The following SGK1 variants were observed in gnomAD, a reference collection of about 807,000 sequenced individuals.
SGK1 encodes the protein serum/glucocorticoid regulated kinase 1, also known as serine/threonine-protein kinase Sgk1.
In SGK1, 26 loss-of-function variants were observed where a neutral mutation model predicts 64.2. That is an observed-to-expected ratio of 0.40 (90% CI 0.30 to 0.56). The LOEUF (loss-of-function observed/expected upper bound fraction) is 0.56, where lower values mean the gene tolerates loss of function less well. SGK1 is among the 20% of genes least tolerant of loss of function. The pLI, the probability that SGK1 is intolerant of heterozygous loss-of-function variation, is 0.38. For synonymous variants in SGK1, 265 were observed against 239.7 expected (o/e 1.11, Z -0.98); for missense variants, 519 against 645.6 (o/e 0.80, Z 2.12).
chr6:134,275,029 C>CAGGTTCA (rs1030035193), intron 1 of SGK1, among the ~76,000 whole-genome samples: 16 of 152,248 alleles, frequency 1.1e-4, no homozygotes, highest in African/African-American at 3.4e-4. Flanking sequence ...GTCTTGAACT[C>CAGGTTCA]AGGTTCAAGG....
At chr6:134,260,380 C>G (rs1162235442) in intron 2 of SGK1, 1 of 143,354 alleles carries the variant, frequency 7.0e-6, no homozygotes, top group Admixed American at 6.9e-5. Flanking sequence ...CCCCACCCCC[C>G]CCAAAAAAAG....
At chr6:134,200,229 T>C (rs1020476000) in intron 3 of SGK1, among the ~76,000 whole-genome samples, 8 of 152,206 alleles carry the variant, frequency 5.3e-5, no homozygotes, top group African/African-American at 1.9e-4. Flanking sequence ...GCATGAGAAA[T>C]TCTAAGCCCT....
chr6:134,295,686 G>A (rs1777337459), intron 1 of SGK1, among the ~76,000 whole-genome samples: 1 of 149,126 alleles, frequency 6.7e-6, no homozygotes, highest in African/African-American at 2.5e-5. Flanking sequence ...CTAGACAACA[G>A]AGTGAGACTC....
At chr6:134,172,798 T>C in intron 8 of SGK1, 24 bp from the exon 9 acceptor site, 1 of 1,535,704 alleles carries the variant, frequency 6.5e-7, no homozygotes, top group East Asian at 2.2e-5. Flanking sequence ...AACAAAGTCA[T>C]TCTGGGTTGC....
At chr6:134,246,170 T>TGGAGTTTCACC (rs1293351268) in intron 2 of SGK1, among the ~76,000 whole-genome samples, 2 of 151,902 alleles carry the variant, frequency 1.3e-5, no homozygotes, top group Admixed American at 1.3e-4. Flanking sequence ...TTTTTTGAGA[T>TGGAGTTTCACC]GGAGTTTCAC....
chr6:134,205,205 G>A lies in SGK1; in HGVS notation c.361+2151C>T, dbSNP rs969601807. ...CTTTGGTAATGTTTCATTCTACATT[G>A]CTTCTTCATAACACATGTGCTGTAG... is the stretch of plus-strand genomic sequence containing the variant. On this transcript the variant is annotated intron_variant, in intron 3 of 13. Transcript: ENST00000367858. Among the ~76,000 whole-genome samples the A allele has an allele frequency of 5.3e-5, 8 of 151,890 alleles. No homozygotes were observed. The East Asian group carries it at 1.5e-3, about 29-fold the overall frequency.
At chr6:134,228,145 G>T (rs1373505632) in intron 2 of SGK1, among the ~76,000 whole-genome samples, 2 of 151,596 alleles carry the variant, frequency 1.3e-5, no homozygotes, top group African/African-American at 2.4e-5. Context: ...TGTAGAGATG[G>T]GTTTTCACCA....
At position 134,287,350 on chromosome 6, in the gene SGK1, T is replaced by C. The variant is rs181261966; in HGVS notation, c.70-25202A>G. ...TAGAAATGAATAAATATAATTTTTTTATGTTTGTTATTTTGTCCTATAAAT... is the reference window on the plus strand; with the variant it reads ...TAGAAATGAATAAATATAATTTTTTCATGTTTGTTATTTTGTCCTATAAAT... On this transcript the variant is annotated intron_variant, in intron 1 of 13. Transcript: ENST00000367858. 3.3e-5 allele frequency among the ~76,000 whole-genome samples: 5 copies of C among 152,190 alleles called. No individual in the cohort carries two copies. In the East Asian group the frequency reaches 7.7e-4, roughly 23 times the overall value.
chr6:134,206,382 TA>T (rs60679295), intron 3 of SGK1, among the ~76,000 whole-genome samples: 6 of 6,824 alleles, frequency 8.8e-4, no homozygotes, highest in African/African-American at 2.1e-3. Context: ...TATATATATA[TA>T]TTTTTTTTTT....
intron 2 of SGK1, among the ~76,000 whole-genome samples, chr6:134,212,718 A>T (rs1775912061): frequency 6.6e-6 from 1 of 152,170 alleles, no homozygotes; most frequent in Admixed American, 6.5e-5. Flanking sequence ...TATAAATCTA[A>T]CATACCATGG....
intron 2 of SGK1, among the ~76,000 whole-genome samples, chr6:134,210,466 C>T (rs992208736): frequency 1.2e-4 from 18 of 152,084 alleles, no homozygotes; most frequent in African/African-American, 3.9e-4. Context: ...TTAGGCAAGA[C>T]GACTAATTTC....
Position 134,286,308 on chromosome 6 carries a change from A to T in SGK1, c.70-24160T>A, listed in dbSNP as rs376330322. Among the ~76,000 whole-genome samples the T allele has an allele frequency of 3.3e-5, 5 of 152,218 alleles. No homozygotes were observed. The East Asian group carries it at 9.7e-4, about 29-fold the overall frequency. On this transcript the variant is annotated intron_variant, in intron 1 of 13. Coordinates refer to ENST00000367858, the MANE Select transcript of SGK1 (RefSeq NM_001143676.3). ...GCCTGTCTCTACAAAAAATAAAATA[A>T]TTAGCTGGGCATGGTGGTGCACACC...
At chr6:134,308,427 A>T (rs1044021065) in intron 1 of SGK1, among the ~76,000 whole-genome samples, 2 of 152,152 alleles carry the variant, frequency 1.3e-5, no homozygotes, top group Admixed American at 6.5e-5. Flanking sequence ...AGAGACTAAA[A>T]TCTTTGAGCT....
intron 3 of SGK1, among the ~76,000 whole-genome samples, chr6:134,199,313 C>G (rs1021122511): frequency 1.3e-5 from 2 of 152,156 alleles, no homozygotes; most frequent in African/African-American, 4.8e-5. Flanking sequence ...AATCTCAGCA[C>G]TTTGGGAGGC....
At chr6:134,257,257 T>C (rs1243250515) in intron 2 of SGK1, 2 of 152,248 alleles carry the variant, frequency 1.3e-5, no homozygotes, top group Non-Finnish European at 2.9e-5. Context: ...AGAAACCCTG[T>C]CCAGGCATGG....
At chr6:134,298,273 C>T (rs1777393325) in intron 1 of SGK1, 1 of 1,564,300 alleles carries the variant, frequency 6.4e-7, no homozygotes. Flanking sequence ...GTTGAAGTAG[C>T]TCTCGAACAT....
intron 3 of SGK1, among the ~76,000 whole-genome samples, chr6:134,207,036 T>C (rs1175355099): frequency 6.6e-6 from 1 of 151,900 alleles, no homozygotes; most frequent in Non-Finnish European, 1.5e-5. Flanking sequence ...CCATCCTGGC[T>C]GACACGGTGA....
Position 134,290,601 on chromosome 6 carries a change from G to A in SGK1, c.69+26791C>T, listed in dbSNP as rs139353941. 3.9e-3 allele frequency among the ~76,000 whole-genome samples: 586 copies of A among 152,060 alleles called. 1 individual carries two copies. The highest frequency in any genetic ancestry group is 0.014 in the Middle Eastern group (4 of 292). On this transcript the variant is annotated intron_variant, in intron 1 of 13. Coordinates refer to ENST00000367858, the MANE Select transcript of SGK1 (RefSeq NM_001143676.3). ...GAGTGTAGTTCACAGTGAAGGACCC[G>A]TAGAAGCAATAACTTAGGGGAGGAA...
In SGK1 at chr6:134,198,726, A is replaced by ATTTTTTTTTTTTTTT. The variant is rs1178699258; in HGVS notation, c.361+8615_361+8629dup. On this transcript the variant is annotated intron_variant, in intron 3 of 13. Coordinates refer to ENST00000367858, the MANE Select transcript of SGK1 (RefSeq NM_001143676.3). ...TTTTTTCTTCTTTTTCTCTTTTTCTATTTTTTTTTTTTTTTTTTTTGAAAA... is the reference window on the plus strand; with the variant it reads ...TTTTTTCTTCTTTTTCTCTTTTTCTATTTTTTTTTTTTTTTTTTTTTTTTTTTTTTTTTTTGAAAA... Among the ~76,000 whole-genome samples, 28 of 101,788 alleles carry ATTTTTTTTTTTTTTT rather than the reference A, an allele frequency of 2.8e-4. 1 individual carries two copies. The highest frequency in any genetic ancestry group is 3.7e-4 in the African/African-American group (10 of 26,996). 66.8% of individuals were successfully genotyped at this position (101,788 alleles called of 152,430 possible).
Sources: allele counts gnomAD v4.1 joint callset (sites outside exome capture counted in the v4.1 genomes callset), GRCh38; gene constraint gnomAD v4.1.1; transcripts MANE v1.5; gene names NCBI Gene and HGNC (gene_info 2026-07-23, HGNC 2026-07-21).